The following B4GALNT3 variants were observed in gnomAD, a reference collection of about 807,000 sequenced individuals.
The protein encoded by B4GALNT3 is beta-1,4-N-acetyl-galactosaminyltransferase 3, also known as beta-1,4-N-acetylgalactosaminyltransferase 3.
B4GALNT3 carries 86 observed loss-of-function variants against 120.2 expected under a neutral mutation model. That is an observed-to-expected ratio of 0.72 (90% CI 0.60 to 0.86). The LOEUF is 0.86. Ranked by LOEUF, B4GALNT3 falls within the 40% of genes least tolerant of loss-of-function variation. The pLI is 0.00. For synonymous variants in B4GALNT3, 518 were observed against 510.4 expected (o/e 1.01, Z -0.20); for missense variants, 1,167 against 1,298.9 (o/e 0.90, Z 1.56).
At chr12:555,541 A>G (rs1947141905) in intron 14 of B4GALNT3, 1 of 355,862 alleles carries the variant, frequency 2.8e-6, no homozygotes, top group African/African-American at 2.1e-5. Flanking sequence ...AAATGCTGCA[A>G]TGAACATTCA....
At chr12:500,043 G>A (rs189071243) in intron 1 of B4GALNT3, among the ~76,000 whole-genome samples, 9 of 152,262 alleles carry the variant, frequency 5.9e-5, no homozygotes, top group Middle Eastern at 3.4e-3. Context: ...TCTCTTGTTC[G>A]ATAGCACAGC....
chr12:545,326 A>T (rs1040000165), intron 5 of B4GALNT3, 43 bp from the exon 6 acceptor site: 13 of 1,575,372 alleles, frequency 8.3e-6, no homozygotes, highest in Non-Finnish European at 1.0e-5. Context: ...TTTTATGCTG[A>T]TGCCCTCCTT....
intron 1 of B4GALNT3, among the ~76,000 whole-genome samples, chr12:512,127 TCCAC>T (rs1946580942): frequency 3.7e-5 from 4 of 106,824 alleles, no homozygotes; most frequent in African/African-American, 1.8e-4. Context: ...CCTTCGAGCT[TCCAC>T]CTTCCACCTT....
In B4GALNT3 at chr12:517,162, G is replaced by A. The variant is rs1946665194; in HGVS notation, c.170-18004G>A. Reference sequence around the variant, plus strand: ...GGGAGTTCAGGCTAAGGCTAGGGAAGTCATCAATGTACAGATGGTGTCCCA... The same window carrying A: ...GGGAGTTCAGGCTAAGGCTAGGGAAATCATCAATGTACAGATGGTGTCCCA... On this transcript the variant is annotated intron_variant, in intron 1 of 19. Coordinates refer to ENST00000266383, the MANE Select transcript of B4GALNT3 (RefSeq NM_173593.4). Among the ~76,000 whole-genome samples the A allele has an allele frequency of 2.6e-5, 4 of 152,208 alleles. No homozygotes were observed. The South Asian group carries it at 8.3e-4, about 32-fold the overall frequency.
intron 1 of B4GALNT3, among the ~76,000 whole-genome samples, chr12:534,396 G>C (rs7300427): frequency 0.06 from 9,156 of 152,176 alleles, 655 homozygotes; most frequent in African/African-American, 0.17. Flanking sequence ...CCGCCGGACT[G>C]ATTCTCCCCG....
chr12:512,471 C>CTT (rs1946594977), intron 1 of B4GALNT3, among the ~76,000 whole-genome samples: 1 of 130,886 alleles, frequency 7.6e-6, no homozygotes, highest in Non-Finnish European at 1.6e-5. Context: ...CCACCTTCCG[C>CTT]CCACCTTCCA....
rs545982144 is a variant in B4GALNT3, at chr12:461,249, T to A, written c.169+704T>A. ...AGCAAATCTACCAAACTCCCCAGTT[T>A]AAGGAGATGATGGACAGCACAGTGG... On this transcript the variant is annotated intron_variant, in intron 1 of 19. Transcript: ENST00000266383. 3.3e-5 allele frequency among the ~76,000 whole-genome samples: 5 copies of A among 152,110 alleles called. No individual in the cohort carries two copies. In the East Asian group the frequency reaches 7.7e-4, roughly 24 times the overall value.
chr12:491,837 C>T (rs1419157765), intron 1 of B4GALNT3, among the ~76,000 whole-genome samples: 7 of 151,756 alleles, frequency 4.6e-5, no homozygotes, highest in South Asian at 4.2e-4. Flanking sequence ...GGGCAGATCA[C>T]GAGGTCAGGA....
chr12:510,462 G>A (rs894860563), intron 1 of B4GALNT3, among the ~76,000 whole-genome samples: 33 of 151,272 alleles, frequency 2.2e-4, no homozygotes, highest in Non-Finnish European at 1.0e-4. Flanking sequence ...TTGGACGCTG[G>A]GGGGCTGGTC....
Position 460,557 on chromosome 12 carries a change from C to G in B4GALNT3, c.169+12C>G. The G allele has an allele frequency of 2.1e-6, 3 of 1,431,514 alleles. No homozygotes were observed. Among genetic ancestry groups the G allele is most frequent in the Non-Finnish European group, 2.8e-6 (3 of 1,080,988 alleles). 88.7% of individuals were successfully genotyped at this position (1,431,514 alleles called of 1,614,324 possible). On this transcript the variant is annotated intron_variant, in intron 1 of 19. Coordinates refer to ENST00000266383, the MANE Select transcript of B4GALNT3 (RefSeq NM_173593.4). This position sits in a 1 kb window ranked among gnomAD's most constrained non-coding sequence, Gnocchi z 8.0. The stretch of plus-strand genomic sequence containing the variant: ...CCCCCTGAACCGGAGTAAGTAGCAC[C>G]CAGGGGAGGCGAAGGGCGCGGGGGT...
Position 553,972 on chromosome 12 carries a change from G to A in B4GALNT3, c.2049G>A (p.Gln683=). The change falls in exon 14 of 20, where the codon CAG becomes CAA. Residue 683 remains glutamine (Q), a synonymous_variant. Coordinates refer to ENST00000266383, the MANE Select transcript of B4GALNT3 (RefSeq NM_173593.4). ...VTRVFLKKLN[Q]RSRGRYQLQR... is the part of the protein sequence containing the mutation. ...GAGTCTTCTTGAAGAAGCTCAACCA[G>A]AGGAGCCGGGGGTAAGGTAAAGGGC... The A allele has an allele frequency of 1.2e-6, 2 of 1,611,848 alleles. No individual in the cohort carries two copies. Among genetic ancestry groups the A allele is most frequent in the Non-Finnish European group, 8.5e-7 (1 of 1,179,048 alleles).
chr12:482,145 G>T (rs1946248511), intron 1 of B4GALNT3, among the ~76,000 whole-genome samples: 1 of 152,174 alleles, frequency 6.6e-6, no homozygotes, highest in African/African-American at 2.4e-5. Context: ...CACACATAGG[G>T]GTATAAAGAG....
At chr12:488,927 A>G (rs1444593050) in intron 1 of B4GALNT3, among the ~76,000 whole-genome samples, 1 of 152,116 alleles carries the variant, frequency 6.6e-6, no homozygotes, top group African/African-American at 2.4e-5. Flanking sequence ...ATGCTAACAA[A>G]GGAGAGAAAT....
intron 1 of B4GALNT3, among the ~76,000 whole-genome samples, chr12:528,618 C>A (rs886977121): frequency 2.0e-5 from 3 of 152,208 alleles, no homozygotes; most frequent in African/African-American, 7.2e-5. Flanking sequence ...GGGACTCCCT[C>A]CCAGGTGGCA....
intron 1 of B4GALNT3, among the ~76,000 whole-genome samples, chr12:491,958 T>C (rs1316391986): frequency 6.7e-6 from 1 of 150,006 alleles, no homozygotes; most frequent in Non-Finnish European, 1.5e-5. Context: ...CTCGGGAGGC[T>C]GAGGCAGGAA....
intron 3 of B4GALNT3, among the ~76,000 whole-genome samples, chr12:538,914 G>A (rs1045601390): frequency 6.6e-6 from 1 of 152,154 alleles, no homozygotes; most frequent in Non-Finnish European, 1.5e-5. Flanking sequence ...AATACACATC[G>A]TTTATTGAGC....
rs1354334166 is a variant in B4GALNT3 at position 556,867 on chromosome 12, G to C, written c.2380+1G>C. On this transcript the variant is annotated splice_donor_variant, in intron 15 of 19. Transcript: ENST00000266383. LOFTEE classifies it high-confidence loss of function. ...GCCGTGGTCCACTTCGTCGTGCCTGGTGAGCCTCAAGCTGAGCCTCGGCAT... is the reference window on the plus strand; with the variant it reads ...GCCGTGGTCCACTTCGTCGTGCCTGCTGAGCCTCAAGCTGAGCCTCGGCAT... 1 of 1,600,722 alleles carries C rather than the reference G, an allele frequency of 6.2e-7. No homozygotes were observed. The highest frequency in any genetic ancestry group is 8.5e-7 in the Non-Finnish European group (1 of 1,170,246).
intron 1 of B4GALNT3, among the ~76,000 whole-genome samples, chr12:471,246 G>A (rs1356395104): frequency 1.3e-5 from 2 of 151,134 alleles, no homozygotes; most frequent in African/African-American, 4.9e-5. Flanking sequence ...TTAGCTGGAC[G>A]TGGTGGCACA....
chr12:548,138 G>T lies in B4GALNT3; in HGVS notation c.786+36G>T. 6.2e-7 allele frequency: 1 copy of T among 1,610,498 alleles called. No individual in the cohort carries two copies. The highest frequency in any genetic ancestry group is 8.5e-7 in the Non-Finnish European group (1 of 1,176,764). On this transcript the variant is annotated intron_variant, in intron 8 of 19. Coordinates refer to ENST00000266383, the MANE Select transcript of B4GALNT3 (RefSeq NM_173593.4). This position sits in a 1 kb window ranked among gnomAD's most constrained non-coding sequence, Gnocchi z 4.9. The stretch of plus-strand genomic sequence containing the variant: ...TGCTGCTCCCGCCTCTCCCAGCTCA[G>T]TTCCTGGCACTCATCTCCCCTTGTC...
Sources: gnomAD v4.1 joint callset for allele counts (sites outside exome capture counted in the v4.1 genomes callset) on GRCh38, gnomAD v4.1.1 for gene constraint, Gnocchi (gnomAD v3.1) non-coding constraint, MANE v1.5 for transcripts, NCBI Gene and HGNC (gene_info 2026-07-23, HGNC 2026-07-21) for gene names.